Variants in SPOPL observed in about 807,000 individuals in gnomAD.
The protein encoded by SPOPL is speckle-type POZ protein-like.
Under a neutral mutation model 53.8 loss-of-function variants are expected in SPOPL, and 23 were observed. The ratio of observed to expected loss-of-function variants is 0.43; its 90% CI spans 0.31 to 0.61. SPOPL has a LOEUF of 0.61. Among genes scored for constraint, SPOPL ranks in the 20% least tolerant of loss-of-function variants. The probability of loss-of-function intolerance (pLI) is 0.12; values close to 1 mark genes in which losing one functional copy is unlikely to be tolerated. For synonymous variants in SPOPL, 164 were observed against 149.7 expected, an observed-to-expected ratio of 1.10 and a Z score of -0.70; for missense variants, 442 against 466.9, an observed-to-expected ratio of 0.95 and a Z score of 0.49.
At chr2:138,530,332 C>A (rs1684779940) in intron 1 of SPOPL, among the ~76,000 whole-genome samples, 1 of 152,058 alleles carries the variant, frequency 6.6e-6, no homozygotes, top group Non-Finnish European at 1.5e-5. Flanking sequence ...AATTTATATT[C>A]TTTTGGCTAT....
intron 1 of SPOPL, among the ~76,000 whole-genome samples, chr2:138,534,103 T>C (rs1203855778): frequency 6.6e-6 from 1 of 152,170 alleles, no homozygotes; most frequent in Non-Finnish European, 1.5e-5. Flanking sequence ...AAGACATTTT[T>C]TAAAGAAACA....
At chr2:138,529,958 C>G (rs577225848) in intron 1 of SPOPL, among the ~76,000 whole-genome samples, 163 of 152,070 alleles carry the variant, frequency 1.1e-3, no homozygotes, top group Non-Finnish European at 1.3e-3. Context: ...TTTTCCTAAT[C>G]CTCTCCCTCC....
chr2:138,552,297 G>C (rs1016619540), intron 4 of SPOPL, among the ~76,000 whole-genome samples: 4 of 151,970 alleles, frequency 2.6e-5, no homozygotes, highest in Admixed American at 6.6e-5. Flanking sequence ...GATTTGATCT[G>C]ACTTTTCTAT....
chr2:138,522,731 A>C (rs776384496), intron 1 of SPOPL, among the ~76,000 whole-genome samples: 1 of 152,100 alleles, frequency 6.6e-6, no homozygotes, highest in East Asian at 1.9e-4. Flanking sequence ...TAGTCTAATC[A>C]GTCTTCTGAA....
At chr2:138,502,246 G>A (rs1479461959) in intron 1 of SPOPL, 127 bp downstream of exon 1, 2 of 152,002 alleles carry the variant, frequency 1.3e-5, no homozygotes. Context: ...TCTGGGTCCC[G>A]GACCCCTGCT....
At chr2:138,545,822 C>T (rs946494521) in intron 1 of SPOPL, among the ~76,000 whole-genome samples, 2 of 152,114 alleles carry the variant, frequency 1.3e-5, no homozygotes, top group Non-Finnish European at 2.9e-5. Flanking sequence ...CTTTTGTGGA[C>T]GGATGGAGTT....
chr2:138,528,477 T>C (rs920611960), intron 1 of SPOPL, among the ~76,000 whole-genome samples: 1 of 152,186 alleles, frequency 6.6e-6, no homozygotes, highest in African/African-American at 2.4e-5. Context: ...TTTTCTAACG[T>C]TGTTATTGGT....
chr2:138,538,973 T>C (rs1179640146), intron 1 of SPOPL, among the ~76,000 whole-genome samples: 1 of 152,124 alleles, frequency 6.6e-6, no homozygotes, highest in Non-Finnish European at 1.5e-5. Context: ...TGTTCAATTT[T>C]CCACCTATGA....
At chr2:138,546,963 TTTTTA>T (rs1473056807) in intron 1 of SPOPL, among the ~76,000 whole-genome samples, 5 of 152,164 alleles carry the variant, frequency 3.3e-5, no homozygotes, top group African/African-American at 1.2e-4. Context: ...GCTTTTATTT[TTTTTA>T]TTTTATTTTA....
At chr2:138,532,206 C>T (rs1684823952) in intron 1 of SPOPL, among the ~76,000 whole-genome samples, 1 of 152,134 alleles carries the variant, frequency 6.6e-6, no homozygotes, top group African/African-American at 2.4e-5. Context: ...TTAAAGAGCA[C>T]CTCACCAGGA....
In SPOPL at chr2:138,541,229, C is replaced by G. The variant is rs547634410; in HGVS notation, c.-60-8928C>G. On this transcript the variant is annotated intron_variant, in intron 1 of 10. Coordinates refer to ENST00000280098, the MANE Select transcript of SPOPL (RefSeq NM_001001664.3). ...CTTTTTTTGTTGTGTCTCTGCCAGG[C>G]TTTGGTATCAGGATGATGCTGGCCT... 6.2e-4 allele frequency among the ~76,000 whole-genome samples: 94 copies of G among 152,190 alleles called. 2 individuals carry two copies. The highest frequency in any genetic ancestry group is 2.2e-3 in the African/African-American group (90 of 41,508).
chr2:138,547,906 T>C (rs1276773387), intron 1 of SPOPL, among the ~76,000 whole-genome samples: 3 of 152,126 alleles, frequency 2.0e-5, no homozygotes, highest in Admixed American at 1.3e-4. Flanking sequence ...CTGAACACTT[T>C]TCCCTGTCAT....
chr2:138,521,453 T>C (rs973694629), intron 1 of SPOPL, among the ~76,000 whole-genome samples: 13 of 152,120 alleles, frequency 8.5e-5, no homozygotes, highest in South Asian at 2.1e-4. Context: ...GATTTCTTGC[T>C]TTTAATCTTT....
chr2:138,508,906 C>T (rs1294823730), intron 1 of SPOPL, among the ~76,000 whole-genome samples: 1 of 151,952 alleles, frequency 6.6e-6, no homozygotes, highest in Non-Finnish European at 1.5e-5. Flanking sequence ...CTTACAGGTA[C>T]CCTTTTAGAG....
intron 4 of SPOPL, 107 bp downstream of exon 4, chr2:138,551,161 G>A (rs2104892391): frequency 7.9e-7 from 1 of 1,270,346 alleles, no homozygotes; most frequent in South Asian, 1.5e-5. Context: ...GCTAAAATCT[G>A]CTTAACCTGA....
intron 1 of SPOPL, among the ~76,000 whole-genome samples, chr2:138,518,046 C>CAAAAA (rs61662616): frequency 4.3e-4 from 29 of 67,304 alleles, no homozygotes; most frequent in East Asian, 1.0e-3. Flanking sequence ...GAAACTGTCT[C>CAAAAA]AAAAAAAAAA....
intron 1 of SPOPL, among the ~76,000 whole-genome samples, chr2:138,539,236 A>G (rs1685007900): frequency 2.0e-5 from 3 of 152,244 alleles, no homozygotes; most frequent in Admixed American, 1.3e-4. Flanking sequence ...TTATAGCAGC[A>G]TGATTTATAA....
At chr2:138,565,683 C>T (rs1685645255) in intron 10 of SPOPL, among the ~76,000 whole-genome samples, 2 of 151,834 alleles carry the variant, frequency 1.3e-5, no homozygotes, top group African/African-American at 4.8e-5. Context: ...TGCCTATAAA[C>T]CCTTAAATTT....
chr2:138,523,211 G>A (rs1401531105), intron 1 of SPOPL, among the ~76,000 whole-genome samples: 5 of 152,164 alleles, frequency 3.3e-5, no homozygotes, highest in Non-Finnish European at 5.9e-5. Flanking sequence ...CATCTCACAT[G>A]ACAGCAGACA....
Sources: allele counts gnomAD v4.1 joint callset (sites outside exome capture counted in the v4.1 genomes callset), GRCh38; gene constraint gnomAD v4.1.1; transcripts MANE v1.5; gene names NCBI Gene and HGNC (gene_info 2026-07-23, HGNC 2026-07-21).